The following CDH13 variants were observed in gnomAD, a reference collection of about 807,000 sequenced individuals.
CDH13 encodes the protein cadherin 13, also known as cadherin-13.
CDH13 carries 24 observed loss-of-function variants against 63.8 expected under a neutral mutation model. That is an observed-to-expected ratio of 0.38 (90% CI 0.27 to 0.53). CDH13 has a LOEUF of 0.53. Ranked by LOEUF, CDH13 falls within the 20% of genes least tolerant of loss-of-function variation. The pLI, the probability that CDH13 is intolerant of heterozygous loss-of-function variation, is 0.85. For synonymous variants in CDH13, 503 were observed against 355.3 expected, an observed-to-expected ratio of 1.42 and a Z score of -4.67; for missense variants, 1,049 against 903.1, an observed-to-expected ratio of 1.16 and a Z score of -2.07.
intron 1 of CDH13, among the ~76,000 whole-genome samples, chr16:82,748,124 A>G (rs1005417692): frequency 2.6e-5 from 4 of 152,294 alleles, no homozygotes; most frequent in African/African-American, 9.6e-5. Flanking sequence ...CAGCTGCACT[A>G]TAATAAATGA....
chr16:82,723,815 T>C (rs571814267), intron 1 of CDH13, among the ~76,000 whole-genome samples: 9 of 152,312 alleles, frequency 5.9e-5, no homozygotes, highest in Admixed American at 3.9e-4. Context: ...ATATAAGAAA[T>C]TGTGCCATGT....
At chr16:82,770,607 T>C (rs1291581106) in intron 1 of CDH13, among the ~76,000 whole-genome samples, 1 of 152,240 alleles carries the variant, frequency 6.6e-6, no homozygotes, top group East Asian at 1.9e-4. Context: ...ACAGATGTCA[T>C]TTCATGATTT....
At chr16:82,653,329 T>C (rs771851076) in intron 1 of CDH13, among the ~76,000 whole-genome samples, 4 of 152,242 alleles carry the variant, frequency 2.6e-5, no homozygotes, top group Middle Eastern at 3.4e-3. Flanking sequence ...CTTAGTGTAT[T>C]TTACACAAAA....
chr16:83,767,195 C>A (rs1914448602), intron 11 of CDH13, among the ~76,000 whole-genome samples: 1 of 151,758 alleles, frequency 6.6e-6, no homozygotes, highest in African/African-American at 2.4e-5. Flanking sequence ...TATATCTAGT[C>A]CTTTGTGTTC....
At chr16:82,896,611 A>T (rs1441141759) in intron 2 of CDH13, among the ~76,000 whole-genome samples, 2 of 151,668 alleles carry the variant, frequency 1.3e-5, no homozygotes. Context: ...ACAGGATTAA[A>T]GTGTGAAAAA....
intron 1 of CDH13, among the ~76,000 whole-genome samples, chr16:82,671,387 A>G (rs1265805812): frequency 6.6e-6 from 1 of 152,218 alleles, no homozygotes; most frequent in African/African-American, 2.4e-5. Flanking sequence ...TAAGCCAATC[A>G]ACAAGACTTG....
intron 4 of CDH13, among the ~76,000 whole-genome samples, chr16:83,191,530 CAT>C (rs71376303): frequency 0.074 from 5,482 of 74,108 alleles, 208 homozygotes; most frequent in Non-Finnish European, 0.096. Flanking sequence ...CACACACACA[CAT>C]ATATATATAT....
In CDH13 at chr16:82,725,844, A is replaced by G. The variant is rs116352407; in HGVS notation, c.45+98707A>G. Among the ~76,000 whole-genome samples, 327 of 152,310 alleles carry G rather than the reference A, an allele frequency of 2.1e-3. 2 individuals are homozygous for G. The highest frequency in any genetic ancestry group is 7.5e-3 in the African/African-American group (312 of 41,570). ...TTCAGGCAAGAGTGATTTTTAACTC[A>G]TTAACCAGATAATTATTGCAGTTCT... On this transcript the variant is annotated intron_variant, in intron 1 of 13. Transcript: ENST00000567109.
At chr16:82,964,852 C>T (rs1273858706) in intron 2 of CDH13, among the ~76,000 whole-genome samples, 1 of 152,160 alleles carries the variant, frequency 6.6e-6, no homozygotes, top group Non-Finnish European at 1.5e-5. Context: ...TTCCTTGTTG[C>T]TGTCCTGGTT....
chr16:83,503,169 A>T (rs1310277476), intron 7 of CDH13, among the ~76,000 whole-genome samples: 1 of 152,224 alleles, frequency 6.6e-6, no homozygotes, highest in Non-Finnish European at 1.5e-5. Context: ...GAGGCCTTGA[A>T]TCGCTCACGT....
At position 83,138,298 on chromosome 16, in the gene CDH13, C is replaced by T. The variant is rs77026809; in HGVS notation, c.483+12797C>T. Among the ~76,000 whole-genome samples, 402 of 152,182 alleles carry T rather than the reference C, an allele frequency of 2.6e-3. 2 individuals are homozygous for T. The highest frequency in any genetic ancestry group is 9.2e-3 in the African/African-American group (383 of 41,500). On this transcript the variant is annotated intron_variant, in intron 4 of 13. Transcript: ENST00000567109. ...ACTGGCTACTGCTTATGGATTCCCC[C>T]GAGAAGAATGCCCGTCCTAGGAGAG... is the stretch of plus-strand genomic sequence containing the variant.
At chr16:83,291,080 G>T (rs1420731564) in intron 5 of CDH13, among the ~76,000 whole-genome samples, 2 of 152,110 alleles carry the variant, frequency 1.3e-5, no homozygotes, top group Non-Finnish European at 2.9e-5. Flanking sequence ...ATTTCTCTAT[G>T]AGACTACCCG....
intron 8 of CDH13, among the ~76,000 whole-genome samples, chr16:83,644,522 C>T (rs1911608775): frequency 2.0e-5 from 3 of 152,244 alleles, no homozygotes; most frequent in African/African-American, 4.8e-5. Flanking sequence ...GAGCACTTTA[C>T]ATTGCAGTTT....
chr16:83,676,477 C>T (rs1344076979), intron 9 of CDH13, among the ~76,000 whole-genome samples: 3 of 152,154 alleles, frequency 2.0e-5, no homozygotes, highest in Non-Finnish European at 1.5e-5. Flanking sequence ...ATGGCAGCTC[C>T]CTGGCCCTGG....
At chr16:83,040,982 C>G (rs1382022074) in intron 3 of CDH13, among the ~76,000 whole-genome samples, 1 of 152,208 alleles carries the variant, frequency 6.6e-6, no homozygotes, top group Non-Finnish European at 1.5e-5. Context: ...CTTACACCAT[C>G]ACCACTCTTA....
At chr16:82,938,861 G>C (rs1261984408) in intron 2 of CDH13, among the ~76,000 whole-genome samples, 1 of 152,174 alleles carries the variant, frequency 6.6e-6, no homozygotes, top group South Asian at 2.1e-4. Context: ...GTTCCCTTCA[G>C]CTGGAGGTAC....
chr16:83,632,010 G>A (rs753475457), intron 8 of CDH13, among the ~76,000 whole-genome samples: 1 of 152,212 alleles, frequency 6.6e-6, no homozygotes, highest in Non-Finnish European at 1.5e-5. Flanking sequence ...GGAAGCAGGT[G>A]CTGCTGACAG....
chr16:82,935,608 A>T (rs888829988), intron 2 of CDH13, among the ~76,000 whole-genome samples: 5 of 152,176 alleles, frequency 3.3e-5, no homozygotes, highest in Non-Finnish European at 5.9e-5. Flanking sequence ...TGATTCTCGA[A>T]CTTGAGTGTA....
intron 10 of CDH13, among the ~76,000 whole-genome samples, chr16:83,732,462 G>T (rs1434512063): frequency 6.6e-6 from 1 of 152,170 alleles, no homozygotes; most frequent in Admixed American, 6.5e-5. Context: ...AGCCACAAAG[G>T]TTTTGAAGCC....
Sources: gnomAD v4.1 joint callset for allele counts (sites outside exome capture counted in the v4.1 genomes callset) on GRCh38, gnomAD v4.1.1 for gene constraint, MANE v1.5 for transcripts, NCBI Gene and HGNC (gene_info 2026-07-23, HGNC 2026-07-21) for gene names.